Variants in FSHR observed in about 807,000 individuals in gnomAD.
FSHR encodes follicle stimulating hormone receptor, also known as follicle-stimulating hormone receptor.
Under a neutral mutation model 52.1 loss-of-function variants are expected in FSHR, and 46 were observed. The ratio of observed to expected loss-of-function variants is 0.88; its 90% confidence interval spans 0.70 to 1.13. The LOEUF (loss-of-function observed/expected upper bound fraction) is 1.13. FSHR is among the 50% of genes most tolerant of loss of function. The pLI is 0.00. For missense variants in FSHR, 964 were observed against 834.6 expected, an observed-to-expected ratio of 1.16 and a Z score of -1.91; for synonymous variants, 399 against 309.6, an observed-to-expected ratio of 1.29 and a Z score of -3.03.
At chr2:49,143,852 C>G (rs545246428) in intron 1 of FSHR, among the ~76,000 whole-genome samples, 1 of 152,220 alleles carries the variant, frequency 6.6e-6, no homozygotes, top group Admixed American at 6.6e-5. Context: ...TGCACCATCC[C>G]TAAAACACTC....
At chr2:48,998,188 T>G (rs1676108942) in intron 4 of FSHR, among the ~76,000 whole-genome samples, 1 of 152,092 alleles carries the variant, frequency 6.6e-6, no homozygotes, top group Non-Finnish European at 1.5e-5. Context: ...GACAAATGGC[T>G]GTCAGAAATA....
In FSHR at chr2:48,975,943, T is replaced by G. The variant is rs111538507; in HGVS notation, c.668+6969A>C. On this transcript the variant is annotated intron_variant, in intron 8 of 9. Coordinates refer to ENST00000406846, the MANE Select transcript of FSHR (RefSeq NM_000145.4). Reference sequence around the variant, plus strand: ...TCATGTCATCCGCAAACGGACAATCTGACTTCCTCTCTTCCTATTTGAATA... The same window carrying G: ...TCATGTCATCCGCAAACGGACAATCGGACTTCCTCTCTTCCTATTTGAATA... 4.9e-3 allele frequency among the ~76,000 whole-genome samples: 744 copies of G among 152,310 alleles called. 7 individuals are homozygous for G. The highest frequency in any genetic ancestry group is 0.017 in the African/African-American group (717 of 41,558).
intron 1 of FSHR, among the ~76,000 whole-genome samples, chr2:49,145,320 T>C (rs1672831364): frequency 6.6e-6 from 1 of 152,128 alleles, no homozygotes; most frequent in African/African-American, 2.4e-5. Flanking sequence ...CATTGAACCC[T>C]ATCATTAATT....
chr2:49,092,689 C>T (rs867117995), intron 1 of FSHR, among the ~76,000 whole-genome samples: 17 of 151,918 alleles, frequency 1.1e-4, no homozygotes, highest in South Asian at 2.1e-4. Context: ...ATTTTTGAGA[C>T]GGAGTCTCCC....
rs70946839 is a variant in FSHR, at chr2:48,985,697, G to GTTTTTTTTTTTTTTTTTTT, written c.525-2550_525-2532dup. Among the ~76,000 whole-genome samples, 35 of 99,540 alleles carry GTTTTTTTTTTTTTTTTTTT rather than the reference G, an allele frequency of 3.5e-4. 15 individuals are homozygous for GTTTTTTTTTTTTTTTTTTT. The highest frequency in any genetic ancestry group is 7.5e-4 in the African/African-American group (18 of 23,878). 65.3% of individuals were successfully genotyped at this position (99,540 alleles called of 152,430 possible). ...TTCAGTTTCAGGGGAGCAAGTACAG[G>GTTTTTTTTTTTTTTTTTTT]TTTTTTTTTTTTTTTTTTTTTTTTT... On this transcript the variant is annotated intron_variant, in intron 6 of 9. Coordinates refer to ENST00000406846, the MANE Select transcript of FSHR (RefSeq NM_000145.4).
At chr2:49,073,117 A>G (rs1229220745) in intron 1 of FSHR, among the ~76,000 whole-genome samples, 2 of 152,124 alleles carry the variant, frequency 1.3e-5, no homozygotes, top group East Asian at 1.9e-4. Context: ...CATCTTATGG[A>G]TGCTTTCACA....
chr2:48,972,731 AT>A (rs1219783761), intron 8 of FSHR, among the ~76,000 whole-genome samples: 1 of 151,264 alleles, frequency 6.6e-6, no homozygotes. Flanking sequence ...TAAAAAAAAC[AT>A]TTTAGAAGTC....
chr2:49,111,652 A>G (rs1337341960), intron 1 of FSHR, among the ~76,000 whole-genome samples: 1 of 152,148 alleles, frequency 6.6e-6, no homozygotes, highest in South Asian at 2.1e-4. Flanking sequence ...GATTGAGATC[A>G]TATATGACGG....
At chr2:49,011,289 C>T (rs1245228392) in intron 4 of FSHR, among the ~76,000 whole-genome samples, 1 of 151,972 alleles carries the variant, frequency 6.6e-6, no homozygotes, top group Non-Finnish European at 1.5e-5. Context: ...ATTATGTACC[C>T]ACTAGTCATT....
rs116054494 is a variant in FSHR at position 49,027,175 on chromosome 2, C to A, written c.225-7015G>T. Among the ~76,000 whole-genome samples, 738 of 152,272 alleles carry A rather than the reference C, an allele frequency of 4.8e-3. 6 individuals carry two copies. The highest frequency in any genetic ancestry group is 0.017 in the African/African-American group (709 of 41,550). ...TTTGTCCAAACAGATCTTAAATTCTCTCAATTACTCTCTTCTGTATTTCTT... is the reference window on the plus strand; with the variant it reads ...TTTGTCCAAACAGATCTTAAATTCTATCAATTACTCTCTTCTGTATTTCTT... On this transcript the variant is annotated intron_variant, in intron 2 of 9. Transcript: ENST00000406846.
In FSHR at chr2:49,058,848, A is replaced by G. The variant is rs77415910; in HGVS notation, c.224+9371T>C. Among the ~76,000 whole-genome samples the G allele has an allele frequency of 7.7e-3, 1,175 of 152,322 alleles. 13 individuals are homozygous for G. The highest frequency in any genetic ancestry group is 0.026 in the African/African-American group (1,072 of 41,566). On this transcript the variant is annotated intron_variant, in intron 2 of 9. Coordinates refer to ENST00000406846, the MANE Select transcript of FSHR (RefSeq NM_000145.4). ...ACATCCCAAGCTCATGGATGTGAATAATCAGTATTGTTAAAATGACCTTAC... is the reference window on the plus strand; with the variant it reads ...ACATCCCAAGCTCATGGATGTGAATGATCAGTATTGTTAAAATGACCTTAC...
At chr2:49,006,142 T>A (rs182717781) in intron 4 of FSHR, among the ~76,000 whole-genome samples, 78 of 152,234 alleles carry the variant, frequency 5.1e-4, no homozygotes, top group African/African-American at 1.8e-3. Context: ...TTGTGGGACC[T>A]TGTGATTGTG....
chr2:49,037,466 A>G (rs1480615079), intron 2 of FSHR, among the ~76,000 whole-genome samples: 6 of 152,230 alleles, frequency 3.9e-5, no homozygotes, highest in Non-Finnish European at 2.9e-5. Flanking sequence ...TAGAGGGAAT[A>G]TTTGCACTTC....
At position 49,059,315 on chromosome 2, in the gene FSHR, A is replaced by G. The variant is rs573760271; in HGVS notation, c.224+8904T>C. On this transcript the variant is annotated intron_variant, in intron 2 of 9. Coordinates refer to ENST00000406846, the MANE Select transcript of FSHR (RefSeq NM_000145.4). ...ACCACAAAACATCCTGCATGGCCAA[A>G]GTAAGCCTAATCAAAAAAGAACAAA... 7.2e-5 allele frequency among the ~76,000 whole-genome samples: 11 copies of G among 152,292 alleles called. 1 individual carries two copies. Among genetic ancestry groups the G allele is most frequent in the Non-Finnish European group, 1.5e-4 (10 of 68,026 alleles).
chr2:49,079,674 A>T (rs1025914844), intron 1 of FSHR, among the ~76,000 whole-genome samples: 2 of 152,134 alleles, frequency 1.3e-5, no homozygotes, highest in Non-Finnish European at 2.9e-5. Context: ...GGATGCTAAG[A>T]CTATTGATTT....
chr2:49,126,636 T>G (rs1418387063), intron 1 of FSHR, among the ~76,000 whole-genome samples: 1 of 152,190 alleles, frequency 6.6e-6, no homozygotes, highest in Non-Finnish European at 1.5e-5. Flanking sequence ...GTTTTCCTTC[T>G]GTTTAGTGGG....
intron 1 of FSHR, among the ~76,000 whole-genome samples, chr2:49,080,609 T>A (rs1420510506): frequency 6.6e-6 from 1 of 152,192 alleles, no homozygotes; most frequent in African/African-American, 2.4e-5. Flanking sequence ...TATGTAAACA[T>A]GAACAGAATG....
intron 1 of FSHR, among the ~76,000 whole-genome samples, chr2:49,115,730 G>C (rs931510272): frequency 1.3e-5 from 2 of 152,184 alleles, no homozygotes; most frequent in African/African-American, 4.8e-5. Context: ...AGAATCAGCT[G>C]TAGTGCCAAG....
intron 1 of FSHR, among the ~76,000 whole-genome samples, chr2:49,151,141 CTTT>C (rs200436300): frequency 8.7e-6 from 1 of 114,996 alleles, no homozygotes. Context: ...AAGGATTACT[CTTT>C]TTTTTTTTTT....
Sources: allele counts gnomAD v4.1 joint callset (sites outside exome capture counted in the v4.1 genomes callset), GRCh38; gene constraint gnomAD v4.1.1; transcripts MANE v1.5; gene names NCBI Gene and HGNC (gene_info 2026-07-23, HGNC 2026-07-21).